PPP2R5E: variants seen among roughly 807,000 people sequenced by gnomAD.
PPP2R5E encodes protein phosphatase 2 regulatory subunit B'epsilon, also known as serine/threonine-protein phosphatase 2A 56 kDa regulatory subunit epsilon isoform.
PPP2R5E carries 4 observed loss-of-function variants against 65.3 expected under a neutral mutation model. The ratio of observed to expected loss-of-function variants is 0.06; its 90% CI spans 0.03 to 0.14. The LOEUF (loss-of-function observed/expected upper bound fraction) is 0.14. Ranked by LOEUF, PPP2R5E falls within the 10% of genes least tolerant of loss-of-function variation. The pLI is 1.00. For synonymous variants in PPP2R5E, 183 were observed against 187.4 expected (o/e 0.98, Z 0.19); for missense variants, 274 against 556.1 (o/e 0.49, Z 5.10).
At chr14:63,489,398 T>A (rs1392011201) in intron 2 of PPP2R5E, among the ~76,000 whole-genome samples, 2 of 142,608 alleles carry the variant, frequency 1.4e-5, no homozygotes, top group African/African-American at 5.7e-5. Flanking sequence ...TAATTTTTGT[T>A]GTTGTTGTTG....
At chr14:63,487,187 A>G (rs1891040230) in intron 2 of PPP2R5E, among the ~76,000 whole-genome samples, 1 of 152,244 alleles carries the variant, frequency 6.6e-6, no homozygotes, top group Non-Finnish European at 1.5e-5. Flanking sequence ...AAAGTAACAC[A>G]AAACCAGTAT....
At chr14:63,471,778 A>C (rs1171588495) in intron 2 of PPP2R5E, among the ~76,000 whole-genome samples, 1 of 152,190 alleles carries the variant, frequency 6.6e-6, no homozygotes, top group East Asian at 1.9e-4. Context: ...AAGACTAATG[A>C]GAGCTGGCTT....
chr14:63,399,366 C>CTTTGTT (rs1885604828), intron 5 of PPP2R5E, among the ~76,000 whole-genome samples: 42 of 48,524 alleles, frequency 8.7e-4, no homozygotes, highest in Non-Finnish European at 1.1e-3. Context: ...GGATTTCTTT[C>CTTTGTT]TTTTTTTTTT....
chr14:63,416,073 G>A (rs17824967), intron 4 of PPP2R5E, among the ~76,000 whole-genome samples: 279 of 152,294 alleles, frequency 1.8e-3, no homozygotes, highest in South Asian at 8.3e-3. Context: ...CTGATAAACA[G>A]TGGGGAATCA....
intron 3 of PPP2R5E, among the ~76,000 whole-genome samples, chr14:63,422,547 A>G (rs966202576): frequency 7.9e-5 from 12 of 152,242 alleles, no homozygotes; most frequent in African/African-American, 2.9e-4. Flanking sequence ...TAACACAGTG[A>G]AACCCCGTCG....
At chr14:63,423,181 T>A (rs1887135869) in intron 3 of PPP2R5E, among the ~76,000 whole-genome samples, 1 of 152,170 alleles carries the variant, frequency 6.6e-6, no homozygotes, top group Admixed American at 6.5e-5. Flanking sequence ...TGCAACCTCC[T>A]GCCTCCCAGG....
At chr14:63,438,494 A>T (rs1046135080) in intron 3 of PPP2R5E, among the ~76,000 whole-genome samples, 1 of 152,214 alleles carries the variant, frequency 6.6e-6, no homozygotes, top group African/African-American at 2.4e-5. Context: ...GTGGGAGAAA[A>T]GAGAAACCAA....
intron 2 of PPP2R5E, among the ~76,000 whole-genome samples, chr14:63,524,301 A>G (rs1893091889): frequency 6.6e-6 from 1 of 152,222 alleles, no homozygotes; most frequent in African/African-American, 2.4e-5. Context: ...CTGAAACAAG[A>G]TCCAGGTCCA....
chr14:63,437,810 A>C (rs1888018088), intron 3 of PPP2R5E, among the ~76,000 whole-genome samples: 1 of 152,190 alleles, frequency 6.6e-6, no homozygotes, highest in Non-Finnish European at 1.5e-5. Context: ...TTTTGTCAAA[A>C]AAATACACTT....
intron 3 of PPP2R5E, among the ~76,000 whole-genome samples, chr14:63,431,818 G>T (rs1329028879): frequency 6.6e-6 from 1 of 152,010 alleles, no homozygotes; most frequent in Non-Finnish European, 1.5e-5. Flanking sequence ...GAAATAATTA[G>T]TAATTATTGT....
At chr14:63,500,771 C>G (rs1242753211) in intron 2 of PPP2R5E, among the ~76,000 whole-genome samples, 1 of 151,904 alleles carries the variant, frequency 6.6e-6, no homozygotes, top group African/African-American at 2.4e-5. Flanking sequence ...GAGGCTGAGG[C>G]AGGAGGATCT....
chr14:63,425,160 G>C (rs1240443477), intron 3 of PPP2R5E, among the ~76,000 whole-genome samples: 1 of 152,088 alleles, frequency 6.6e-6, no homozygotes, highest in East Asian at 1.9e-4. Flanking sequence ...CGTTAGCCTA[G>C]ATGACAGAAA....
rs1594798893 is a variant in PPP2R5E at position 63,371,840 on chromosome 14, A to T, written c.*4169T>A. The T allele has an allele frequency of 6.6e-6, 1 of 152,312 alleles. No homozygotes were observed. The highest frequency in any genetic ancestry group is 1.9e-4 in the East Asian group (1 of 5,182). The allele number at this position is 152,312 out of a possible 1,614,324, so 9.4% of individuals were successfully genotyped here. On this transcript the variant is annotated 3_prime_UTR_variant, in exon 14 of 14. Coordinates refer to ENST00000337537, the MANE Select transcript of PPP2R5E (RefSeq NM_006246.5). ...CCCTCTCCTGCTAAAACAATGAAATACTAAAATACCAAAAGATTTATGAAG... is the reference window on the plus strand; with the variant it reads ...CCCTCTCCTGCTAAAACAATGAAATTCTAAAATACCAAAAGATTTATGAAG...
chr14:63,522,595 C>T (rs1170696892), intron 2 of PPP2R5E, among the ~76,000 whole-genome samples: 2 of 144,268 alleles, frequency 1.4e-5, no homozygotes, highest in Non-Finnish European at 3.2e-5. Context: ...TCTGCCCCGC[C>T]GCCCCGTCTG....
intron 2 of PPP2R5E, among the ~76,000 whole-genome samples, chr14:63,462,580 T>A (rs1889542835): frequency 6.6e-6 from 1 of 152,144 alleles, no homozygotes; most frequent in African/African-American, 2.4e-5. Flanking sequence ...ACTGTTCGTA[T>A]CAGAAGTTTT....
At chr14:63,489,263 C>T (rs1046813447) in intron 2 of PPP2R5E, among the ~76,000 whole-genome samples, 4 of 151,926 alleles carry the variant, frequency 2.6e-5, no homozygotes, top group African/African-American at 9.7e-5. Flanking sequence ...ACATAGAAAA[C>T]TGCTAATTCA....
At chr14:63,407,043 T>C (rs1886130079) in intron 5 of PPP2R5E, among the ~76,000 whole-genome samples, 1 of 152,260 alleles carries the variant, frequency 6.6e-6, no homozygotes, top group Admixed American at 6.5e-5. Flanking sequence ...TAACGTTTAC[T>C]GAATATGAAC....
intron 2 of PPP2R5E, among the ~76,000 whole-genome samples, chr14:63,475,776 A>G (rs1429993557): frequency 1.6e-5 from 2 of 126,936 alleles, no homozygotes; most frequent in Non-Finnish European, 3.1e-5. Context: ...ATTAAAAAAC[A>G]TAAGATAGTT....
chr14:63,541,444 C>T (rs1893901804), intron 1 of PPP2R5E, among the ~76,000 whole-genome samples: 2 of 152,128 alleles, frequency 1.3e-5, no homozygotes, highest in African/African-American at 2.4e-5. Context: ...ATTGTTTAAC[C>T]CTCTCGAGTT....
Sources: allele counts gnomAD v4.1 joint callset (sites outside exome capture counted in the v4.1 genomes callset), GRCh38; gene constraint gnomAD v4.1.1; transcripts MANE v1.5; gene names NCBI Gene and HGNC (gene_info 2026-07-23, HGNC 2026-07-21).